The following PDE4D variants were observed in gnomAD, a reference collection of about 807,000 sequenced individuals.
PDE4D encodes 3',5'-cyclic-AMP phosphodiesterase 4D.
PDE4D carries 24 observed loss-of-function variants against 87.4 expected under a neutral mutation model. The ratio of observed to expected loss-of-function variants is 0.27; its 90% confidence interval spans 0.20 to 0.39. PDE4D has a LOEUF of 0.39. Among genes scored for constraint, PDE4D ranks in the 10% least tolerant of loss-of-function variants. The pLI is 1.00. For missense variants in PDE4D, 714 were observed against 1,041.0 expected (o/e 0.69, Z 4.32); for synonymous variants, 384 against 383.2 (o/e 1.00, Z -0.02).
chr5:60,371,934 A>G (rs1287157853), intron 1 of PDE4D, among the ~76,000 whole-genome samples: 1 of 152,232 alleles, frequency 6.6e-6, no homozygotes, highest in Admixed American at 6.5e-5. Context: ...ATGCTACTAT[A>G]TGCATATGTC....
At chr5:59,031,734 A>G (rs2153385497) in intron 6 of PDE4D, among the ~76,000 whole-genome samples, 1 of 150,190 alleles carries the variant, frequency 6.7e-6, no homozygotes, top group South Asian at 2.1e-4. Context: ...AAAAAAAAAA[A>G]AGATTACACA....
chr5:60,370,776 T>TGC (rs201653945), intron 1 of PDE4D, among the ~76,000 whole-genome samples: 1 of 151,890 alleles, frequency 6.6e-6, no homozygotes, highest in African/African-American at 2.4e-5. Flanking sequence ...TGTGTGTGTG[T>TGC]GCGTGCGTGC....
At chr5:59,637,291 TTGG>T (rs540363057) in intron 1 of PDE4D, among the ~76,000 whole-genome samples, 4 of 152,146 alleles carry the variant, frequency 2.6e-5, no homozygotes, top group Non-Finnish European at 4.4e-5. Flanking sequence ...TTTTACACTG[TTGG>T]TGGGAGTGTA....
At chr5:59,653,468 A>G (rs962717849) in intron 1 of PDE4D, among the ~76,000 whole-genome samples, 2 of 152,204 alleles carry the variant, frequency 1.3e-5, no homozygotes, top group Non-Finnish European at 2.9e-5. Flanking sequence ...TAATGTAACT[A>G]AATTCCTAAG....
At chr5:59,612,421 AAGG>A (rs1829132383) in intron 1 of PDE4D, among the ~76,000 whole-genome samples, 1 of 152,122 alleles carries the variant, frequency 6.6e-6, no homozygotes, top group African/African-American at 2.4e-5. Flanking sequence ...GCTTCTACCT[AAGG>A]AGAGGAAGAT....
intron 1 of PDE4D, chr5:59,356,691 G>T (rs1781427951): frequency 3.1e-6 from 4 of 1,299,400 alleles, no homozygotes; most frequent in African/African-American, 3.0e-5. Flanking sequence ...TAGGGCAAAG[G>T]CTTATTTGCA....
chr5:60,205,964 T>C (rs1187711151), intron 1 of PDE4D, among the ~76,000 whole-genome samples: 1 of 152,162 alleles, frequency 6.6e-6, no homozygotes, highest in Non-Finnish European at 1.5e-5. Flanking sequence ...ATTTTGAAAA[T>C]TGGACAAACT....
At chr5:59,732,415 C>CACACACAT (rs979920329) in intron 1 of PDE4D, among the ~76,000 whole-genome samples, 2 of 151,856 alleles carry the variant, frequency 1.3e-5, no homozygotes, top group Non-Finnish European at 2.9e-5. Flanking sequence ...CACACACACA[C>CACACACAT]ACACACACAC....
At chr5:59,694,056 C>T (rs1751384152) in intron 1 of PDE4D, among the ~76,000 whole-genome samples, 1 of 152,170 alleles carries the variant, frequency 6.6e-6, no homozygotes, top group Admixed American at 6.6e-5. Context: ...TATTTATTCA[C>T]TAGATTAAGG....
At chr5:59,137,839 T>G (rs1777338767) in intron 5 of PDE4D, among the ~76,000 whole-genome samples, 1 of 152,218 alleles carries the variant, frequency 6.6e-6, no homozygotes, top group Non-Finnish European at 1.5e-5. Context: ...AGGGGGAAAC[T>G]TTCAAGAGAG....
At chr5:60,053,404 G>A (rs1582406056) in intron 2 of PDE4D, among the ~76,000 whole-genome samples, 2 of 152,254 alleles carry the variant, frequency 1.3e-5, no homozygotes, top group East Asian at 3.9e-4. Context: ...AAAAACATCT[G>A]ATCTTTGACA....
At chr5:59,769,224 C>T (rs1011835770) in intron 1 of PDE4D, among the ~76,000 whole-genome samples, 2 of 152,088 alleles carry the variant, frequency 1.3e-5, no homozygotes, top group African/African-American at 2.4e-5. Context: ...CTAGTTAGAA[C>T]CCAAACAAAC....
chr5:59,218,810 A>G (rs970473670), intron 1 of PDE4D, among the ~76,000 whole-genome samples: 1 of 152,146 alleles, frequency 6.6e-6, no homozygotes, highest in Non-Finnish European at 1.5e-5. Context: ...TATTAGCTTT[A>G]CAAACATTGA....
chr5:59,242,356 C>T (rs1361988302), intron 1 of PDE4D, among the ~76,000 whole-genome samples: 1 of 152,156 alleles, frequency 6.6e-6, no homozygotes, highest in Non-Finnish European at 1.5e-5. Flanking sequence ...AGGAGAATCA[C>T]TATTCTATTT....
intron 1 of PDE4D, among the ~76,000 whole-genome samples, chr5:59,650,989 C>T (rs1479307182): frequency 1.3e-5 from 2 of 152,248 alleles, no homozygotes; most frequent in East Asian, 1.9e-4. Flanking sequence ...GGCGCGGTGG[C>T]TCACGCCTGT....
At chr5:60,458,597 A>G (rs889046527) in intron 1 of PDE4D, among the ~76,000 whole-genome samples, 7 of 152,080 alleles carry the variant, frequency 4.6e-5, no homozygotes, top group African/African-American at 1.7e-4. Flanking sequence ...GAATTAAAAT[A>G]TATCTGGACT....
chr5:59,924,267 T>C (rs1411249673), intron 3 of PDE4D, among the ~76,000 whole-genome samples: 1 of 152,138 alleles, frequency 6.6e-6, no homozygotes, highest in Non-Finnish European at 1.5e-5. Flanking sequence ...CTAAGAGTTA[T>C]TGGCCCTAAA....
chr5:60,390,062 C>G (rs993938018), intron 1 of PDE4D, among the ~76,000 whole-genome samples: 1 of 152,348 alleles, frequency 6.6e-6, no homozygotes, highest in Middle Eastern at 3.4e-3. Context: ...CTTCCCGGGG[C>G]AAGTGTGTGG....
chr5:60,413,021 A>G (rs1354663862), intron 1 of PDE4D, among the ~76,000 whole-genome samples: 1 of 152,210 alleles, frequency 6.6e-6, no homozygotes, highest in African/African-American at 2.4e-5. Context: ...CTTTAACTAC[A>G]ACATTATATA....
Sources: gnomAD v4.1 joint callset for allele counts (sites outside exome capture counted in the v4.1 genomes callset) on GRCh38, gnomAD v4.1.1 for gene constraint, MANE v1.5 for transcripts, NCBI Gene and HGNC (gene_info 2026-07-23, HGNC 2026-07-21) for gene names.